The following MAPKAPK2 variants were observed in gnomAD, a reference collection of about 807,000 sequenced individuals.
MAPKAPK2 encodes the protein MAP kinase-activated protein kinase 2.
Under a neutral mutation model 48.8 loss-of-function variants are expected in MAPKAPK2, and 9 were observed. The observed-to-expected ratio is 0.18, with a 90% confidence interval of 0.11 to 0.32. The LOEUF is 0.32. Among genes scored for constraint, MAPKAPK2 ranks in the 10% least tolerant of loss-of-function variants. The probability of loss-of-function intolerance (pLI) is 1.00; values close to 1 mark genes in which losing one functional copy is unlikely to be tolerated. For missense variants in MAPKAPK2, 331 were observed against 498.3 expected, an observed-to-expected ratio of 0.66 and a Z score of 3.20; for synonymous variants, 202 against 190.6, an observed-to-expected ratio of 1.06 and a Z score of -0.49.
intron 1 of MAPKAPK2, among the ~76,000 whole-genome samples, chr1:206,688,118 A>G (rs1672340514): frequency 6.6e-6 from 1 of 152,014 alleles, no homozygotes; most frequent in Non-Finnish European, 1.5e-5. Context: ...GGGTGCTTTG[A>G]CCTCACCTCA....
chr1:206,690,888 C>T (rs1208419815), intron 1 of MAPKAPK2, among the ~76,000 whole-genome samples: 1 of 152,232 alleles, frequency 6.6e-6, no homozygotes, highest in African/African-American at 2.4e-5. Flanking sequence ...TCCTACCTTT[C>T]CTCTACTTCA....
rs1317508573 is a variant in MAPKAPK2 at position 206,733,115 on chromosome 1, G to C, written c.*397G>C. ...GGAAACTGTCATAGGGATTGTCCCTGTGTTGTCCCATCTGCCCTCCCTGTT... is the reference window on the plus strand; with the variant it reads ...GGAAACTGTCATAGGGATTGTCCCTCTGTTGTCCCATCTGCCCTCCCTGTT... On this transcript the variant is annotated 3_prime_UTR_variant, in exon 10 of 10. Coordinates refer to ENST00000367103, the MANE Select transcript of MAPKAPK2 (RefSeq NM_032960.4). The C allele has an allele frequency of 6.1e-6, 1 of 162,812 alleles. No homozygotes were observed. The highest frequency in any genetic ancestry group is 1.3e-5 in the Non-Finnish European group (1 of 74,894). The allele number at this position is 162,812 out of a possible 1,614,324, so 10.1% of individuals were successfully genotyped here. A position where few individuals can be genotyped will look rare whatever the true frequency, so the allele number is the denominator to read the frequency against.
At chr1:206,695,996 G>T in intron 1 of MAPKAPK2, 2 of 762,114 alleles carry the variant, frequency 2.6e-6, no homozygotes, top group Non-Finnish European at 4.9e-6. Context: ...CTCGGAGTTC[G>T]ATGTGTAGGG....
chr1:206,697,505 G>A (rs1672669547), intron 1 of MAPKAPK2, among the ~76,000 whole-genome samples: 1 of 151,878 alleles, frequency 6.6e-6, no homozygotes, highest in Admixed American at 6.6e-5. Context: ...GGGGGAGCAG[G>A]CATGTCACAT....
chr1:206,703,270 C>G (rs1361758094), intron 1 of MAPKAPK2, among the ~76,000 whole-genome samples: 8 of 152,200 alleles, frequency 5.3e-5, no homozygotes, highest in Non-Finnish European at 1.2e-4. Context: ...AAAAATCAAG[C>G]ATTAAAGTGT....
At chr1:206,730,852 A>G (rs1553432534) in intron 6 of MAPKAPK2, 89 bp downstream of exon 6, 1 of 1,410,630 alleles carries the variant, frequency 7.1e-7, no homozygotes, top group East Asian at 2.3e-5. Context: ...AGACGTTAGC[A>G]TTCCCCTTTG....
chr1:206,687,474 T>A (rs781858659), intron 1 of MAPKAPK2, among the ~76,000 whole-genome samples: 7 of 152,256 alleles, frequency 4.6e-5, no homozygotes, highest in Non-Finnish European at 1.0e-4. Flanking sequence ...CCCAGATCTT[T>A]TAAGTTGACT....
chr1:206,732,397 G>T lies in MAPKAPK2; in HGVS notation c.1060-178G>T, dbSNP rs1426577376. The T allele has an allele frequency of 1.4e-6, 2 of 1,455,146 alleles. No individual in the cohort carries two copies. Among genetic ancestry groups the T allele is most frequent in the Admixed American group, 5.5e-5 (2 of 36,640 alleles). The allele number at this position is 1,455,146 out of a possible 1,614,324, so 90.1% of individuals were successfully genotyped here. ...CCAGGCTCTCTGCTGCCCAGCGCTG[G>T]GGTGAGGCTGCCGTTGTCAGCGTGG... On this transcript the variant is annotated intron_variant, in intron 9 of 9. Transcript: ENST00000367103. The surrounding 1 kb of genome is among the most constrained non-coding windows in gnomAD (Gnocchi z 4.4).
intron 1 of MAPKAPK2, among the ~76,000 whole-genome samples, chr1:206,712,962 T>TCACACACACACAAACA (rs1553429744): frequency 1.6e-4 from 18 of 112,230 alleles, no homozygotes; most frequent in African/African-American, 6.1e-4. Context: ...TGAGACTCCA[T>TCACACACACACAAACA]CACACACACA....
At position 206,731,379 on chromosome 1, in the gene MAPKAPK2, G is replaced by A. The variant is rs1673906368; in HGVS notation, c.892+117G>A. ...ATCTCATGTGCGTGGTGTAACTGTG[G>A]GTTAGCACCTATGCCCACGCCTGCG... On this transcript the variant is annotated intron_variant, in intron 7 of 9. Coordinates refer to ENST00000367103, the MANE Select transcript of MAPKAPK2 (RefSeq NM_032960.4). The surrounding 1 kb of genome is among the most constrained non-coding windows in gnomAD (Gnocchi z 5.9). The A allele has an allele frequency of 6.5e-7, 1 of 1,535,972 alleles. No homozygotes were observed. The highest frequency in any genetic ancestry group is 8.8e-7 in the Non-Finnish European group (1 of 1,137,302).
At chr1:206,710,917 G>A (rs7521518) in intron 1 of MAPKAPK2, among the ~76,000 whole-genome samples, 3,440 of 152,288 alleles carry the variant, frequency 0.023, 126 homozygotes, top group African/African-American at 0.076. Context: ...TAATGTTTTA[G>A]AGTATACACA....
At chr1:206,715,580 C>A (rs1010288787) in intron 1 of MAPKAPK2, among the ~76,000 whole-genome samples, 1 of 151,170 alleles carries the variant, frequency 6.6e-6, no homozygotes, top group Non-Finnish European at 1.5e-5. Flanking sequence ...CATCATACTC[C>A]TTGGTCTCAA....
At position 206,704,738 on chromosome 1, in the gene MAPKAPK2, C is replaced by T. The variant is rs920328831; in HGVS notation, c.279+19230C>T. Among the ~76,000 whole-genome samples, 1 of 152,114 alleles carries T rather than the reference C, an allele frequency of 6.6e-6. No individual in the cohort carries two copies. Among genetic ancestry groups the T allele is most frequent in the South Asian group, 2.1e-4 (1 of 4,818 alleles). On this transcript the variant is annotated intron_variant, in intron 1 of 9. Transcript: ENST00000367103. This position sits in a 1 kb window ranked among gnomAD's most constrained non-coding sequence, Gnocchi z 4.3. ...ACTGAATAAGTGAAGATGAGTGCAC[C>T]ACAAGTGTGTGTGTGCACTTCTTAA...
intron 1 of MAPKAPK2, among the ~76,000 whole-genome samples, chr1:206,690,502 T>C (rs1159366839): frequency 2.4e-4 from 37 of 152,144 alleles, no homozygotes; most frequent in Admixed American, 2.4e-3. Flanking sequence ...AAAGAACCCC[T>C]TTGTGGGAGG....
chr1:206,723,089 C>T (rs1299259942), intron 1 of MAPKAPK2, among the ~76,000 whole-genome samples: 2 of 152,208 alleles, frequency 1.3e-5, no homozygotes, highest in African/African-American at 2.4e-5. Flanking sequence ...CAGAGTCTGT[C>T]TTGGGGAGGG....
chr1:206,719,654 C>G (rs1281007815), intron 1 of MAPKAPK2, among the ~76,000 whole-genome samples: 1 of 152,216 alleles, frequency 6.6e-6, no homozygotes, highest in Non-Finnish European at 1.5e-5. Context: ...AGGACATACT[C>G]TCTTCCCCAA....
At chr1:206,697,329 T>C (rs1191073337) in intron 1 of MAPKAPK2, among the ~76,000 whole-genome samples, 3 of 152,210 alleles carry the variant, frequency 2.0e-5, no homozygotes, top group Non-Finnish European at 4.4e-5. Flanking sequence ...TGTTAAACAC[T>C]GTATTAGTCC....
intron 1 of MAPKAPK2, among the ~76,000 whole-genome samples, chr1:206,708,346 A>G (rs181131070): frequency 1.9e-4 from 29 of 152,218 alleles, no homozygotes; most frequent in Non-Finnish European, 3.5e-4. Flanking sequence ...ACAACTTTTT[A>G]TTATGAAACA....
chr1:206,728,260 T>C (rs782116434), intron 1 of MAPKAPK2, among the ~76,000 whole-genome samples: 1 of 152,200 alleles, frequency 6.6e-6, no homozygotes, highest in African/African-American at 2.4e-5. Flanking sequence ...TTTGTTGTGC[T>C]GGGTCTGAGT....
Sources: gnomAD v4.1 joint callset for allele counts (sites outside exome capture counted in the v4.1 genomes callset) on GRCh38, gnomAD v4.1.1 for gene constraint, Gnocchi (gnomAD v3.1) non-coding constraint, MANE v1.5 for transcripts, NCBI Gene and HGNC (gene_info 2026-07-23, HGNC 2026-07-21) for gene names.